Variants in NCKAP5 observed in about 807,000 individuals in gnomAD.
NCKAP5 encodes the protein nck-associated protein 5.
A neutral mutation model predicts 167.0 loss-of-function variants in NCKAP5; 92 were observed. That is an observed-to-expected ratio of 0.55 (90% CI 0.47 to 0.66). The LOEUF (loss-of-function observed/expected upper bound fraction) is 0.66, where lower values mean the gene tolerates loss of function less well. Among genes scored for constraint, NCKAP5 ranks in the 30% least tolerant of loss-of-function variants. The probability of loss-of-function intolerance (pLI) is 0.00; values close to 1 mark genes in which losing one functional copy is unlikely to be tolerated. For synonymous variants in NCKAP5, 891 were observed against 877.4 expected (o/e 1.02, Z -0.27); for missense variants, 2,378 against 2,315.0 (o/e 1.03, Z -0.56).
chr2:133,643,235 A>G, the NCKAP5 span, among the ~76,000 whole-genome samples: 2 of 152,226 alleles, frequency 1.3e-5, no homozygotes, highest in Non-Finnish European at 2.9e-5. Context: ...CCAATGTTAT[A>G]CAGCCATGAA....
At chr2:133,656,283 A>T in the NCKAP5 span, among the ~76,000 whole-genome samples, 1 of 152,194 alleles carries the variant, frequency 6.6e-6, no homozygotes, top group Non-Finnish European at 1.5e-5. Context: ...AAAAAAAAAA[A>T]AAAACCATCT....
chr2:133,597,422 C>A, the NCKAP5 span, among the ~76,000 whole-genome samples: 1 of 152,152 alleles, frequency 6.6e-6, no homozygotes, highest in Non-Finnish European at 1.5e-5. Flanking sequence ...GTAATCCCAG[C>A]ACTTTGGCAG....
intron 8 of NCKAP5, among the ~76,000 whole-genome samples, chr2:132,888,429 C>T (rs1397481044): frequency 1.3e-5 from 2 of 152,150 alleles, no homozygotes; most frequent in African/African-American, 4.8e-5. Context: ...TCTCTTGCCA[C>T]TCAGGCTGGA....
At chr2:132,895,219 T>C (rs1046321984) in intron 8 of NCKAP5, among the ~76,000 whole-genome samples, 1 of 151,726 alleles carries the variant, frequency 6.6e-6, no homozygotes, top group African/African-American at 2.4e-5. Flanking sequence ...TAGTCCCAGC[T>C]ACTCTGGAGG....
rs1222815075 is a variant in NCKAP5, at chr2:133,116,445, G to A, written c.341+13533C>T. The stretch of plus-strand genomic sequence containing the variant: ...GGAGCTTGCAGTGAGCCGAGATCGC[G>A]CCACTGCACTCCAGCCTGGGCGACA... On this transcript the variant is annotated intron_variant, in intron 6 of 19. Transcript: ENST00000409261. 7.1e-5 allele frequency among the ~76,000 whole-genome samples: 5 copies of A among 70,046 alleles called. 1 individual carries two copies. Among genetic ancestry groups the A allele is most frequent in the South Asian group, 4.4e-4 (1 of 2,264 alleles). 46.0% of individuals were successfully genotyped at this position (70,046 alleles called of 152,430 possible).
intron 8 of NCKAP5, among the ~76,000 whole-genome samples, chr2:132,889,631 G>C (rs868016655): frequency 5.9e-5 from 9 of 152,256 alleles, no homozygotes; most frequent in Middle Eastern, 3.4e-3. Context: ...TCAAAACAAT[G>C]ACAAAGGTGC....
chr2:133,357,095 G>A (rs1684783359), intron 3 of NCKAP5, among the ~76,000 whole-genome samples: 1 of 152,096 alleles, frequency 6.6e-6, no homozygotes, highest in Non-Finnish European at 1.5e-5. Context: ...GCTCATGTCT[G>A]CATATCACCC....
At chr2:133,106,229 C>G (rs1289220402) in intron 6 of NCKAP5, among the ~76,000 whole-genome samples, 2 of 138,332 alleles carry the variant, frequency 1.4e-5, no homozygotes, top group Non-Finnish European at 3.1e-5. Flanking sequence ...GGAGGTGGAG[C>G]TTGCAGTGAG....
intron 3 of NCKAP5, chr2:133,433,411 A>G (rs1055576878): frequency 4.6e-5 from 7 of 152,214 alleles, no homozygotes; most frequent in African/African-American, 1.4e-4. Context: ...ACTGGAGTTT[A>G]GGTGATACTT....
intron 6 of NCKAP5, among the ~76,000 whole-genome samples, chr2:133,026,749 A>G (rs1186524669): frequency 6.6e-6 from 1 of 152,184 alleles, no homozygotes; most frequent in African/African-American, 2.4e-5. Flanking sequence ...TCCTTCTGCC[A>G]ACACCTCTCT....
chr2:133,557,466 T>C (rs185619807), intron 2 of NCKAP5, among the ~76,000 whole-genome samples: 1 of 152,294 alleles, frequency 6.6e-6, no homozygotes, highest in Admixed American at 6.5e-5. Context: ...AGGTTTTCTA[T>C]GTATAAAAAG....
chr2:133,218,520 G>A (rs74596850), intron 4 of NCKAP5, among the ~76,000 whole-genome samples: 51 of 152,294 alleles, frequency 3.3e-4, no homozygotes, highest in African/African-American at 8.9e-4. Flanking sequence ...GGGTCTTGGA[G>A]ATACCCAGGG....
Position 133,449,058 on chromosome 2 carries a change from A to C in NCKAP5, c.69+68400T>G, listed in dbSNP as rs113003187. Reference sequence around the variant, plus strand: ...TAGATTTAATTATCCTTGCACTTCCAAGCTTTTTGTATATTCCCCCATAAT... The same window carrying C: ...TAGATTTAATTATCCTTGCACTTCCCAGCTTTTTGTATATTCCCCCATAAT... On this transcript the variant is annotated intron_variant, in intron 3 of 19. Transcript: ENST00000409261. 7.1e-3 allele frequency among the ~76,000 whole-genome samples: 1,078 copies of C among 152,324 alleles called. 13 individuals are homozygous for C. The highest frequency in any genetic ancestry group is 0.025 in the African/African-American group (1,020 of 41,562).
intron 5 of NCKAP5, among the ~76,000 whole-genome samples, chr2:133,146,827 C>T (rs142115799): frequency 6.9e-4 from 105 of 152,228 alleles, no homozygotes; most frequent in African/African-American, 2.3e-3. Flanking sequence ...AAAGCCCTCA[C>T]GTGCATACAC....
At position 132,723,131 on chromosome 2, in the gene NCKAP5, C is replaced by G. The variant is rs1001704258; in HGVS notation, c.5713+2496G>C. ...CATGAGCCACCATGCCTGGCCTGAGCCAGGTGGTATTTTTTTTTTTTTTTT... is the reference window on the plus strand; with the variant it reads ...CATGAGCCACCATGCCTGGCCTGAGGCAGGTGGTATTTTTTTTTTTTTTTT... On this transcript the variant is annotated intron_variant, in intron 19 of 19. Coordinates refer to ENST00000409261, the MANE Select transcript of NCKAP5 (RefSeq NM_207363.3). Among the ~76,000 whole-genome samples the G allele has an allele frequency of 2.0e-5, 3 of 147,322 alleles. No homozygotes were observed. The Admixed American group carries it at 2.0e-4, about 10-fold the overall frequency.
chr2:133,044,719 C>T (rs2079332445), intron 6 of NCKAP5, among the ~76,000 whole-genome samples: 1 of 152,140 alleles, frequency 6.6e-6, no homozygotes, highest in South Asian at 2.1e-4. Context: ...TTCACTCCTA[C>T]TTATTTATAT....
At chr2:132,922,729 A>C (rs1695541347) in intron 8 of NCKAP5, among the ~76,000 whole-genome samples, 1 of 152,236 alleles carries the variant, frequency 6.6e-6, no homozygotes, top group Non-Finnish European at 1.5e-5. Flanking sequence ...CCAGAAGTAT[A>C]GAGAAGTTGA....
chr2:133,586,271 A>G, the NCKAP5 span, among the ~76,000 whole-genome samples: 1 of 152,144 alleles, frequency 6.6e-6, no homozygotes, highest in Non-Finnish European at 1.5e-5. Flanking sequence ...AGTCCACGTG[A>G]TCTGCGGCCC....
intron 3 of NCKAP5, among the ~76,000 whole-genome samples, chr2:133,375,806 G>A (rs548200210): frequency 1.2e-4 from 19 of 152,240 alleles, no homozygotes; most frequent in Non-Finnish European, 2.2e-4. Flanking sequence ...AGTATTCCAC[G>A]GTATATATGT....
Sources: allele counts gnomAD v4.1 joint callset (sites outside exome capture counted in the v4.1 genomes callset), GRCh38; gene constraint gnomAD v4.1.1; transcripts MANE v1.5; gene names NCBI Gene and HGNC (gene_info 2026-07-23, HGNC 2026-07-21).